Variants in CES4A observed in about 807,000 individuals in gnomAD.
CES4A encodes the protein carboxylesterase 4A.
A neutral mutation model predicts 65.4 loss-of-function variants in CES4A; 48 were observed. The ratio of observed to expected loss-of-function variants is 0.73; its 90% confidence interval spans 0.58 to 0.93. The LOEUF (loss-of-function observed/expected upper bound fraction) is 0.93. Ranked by LOEUF, CES4A falls within the 40% of genes least tolerant of loss-of-function variation. The probability of loss-of-function intolerance (pLI) is 0.00; values close to 1 mark genes in which losing one functional copy is unlikely to be tolerated. For missense variants in CES4A, 685 were observed against 728.5 expected, an observed-to-expected ratio of 0.94 and a Z score of 0.69; for synonymous variants, 247 against 281.8, an observed-to-expected ratio of 0.88 and a Z score of 1.24.
Position 67,003,250 on chromosome 16 carries a change from C to T in CES4A, c.796-6C>T. On this transcript the variant is annotated splice_region_variant and splice_polypyrimidine_tract_variant and intron_variant, in intron 6 of 13. Coordinates refer to ENST00000648724, the Ensembl canonical transcript of CES4A. The surrounding 1 kb of genome is among the most constrained non-coding windows in gnomAD (Gnocchi z 4.2). ...CACCACTGAGCATCCTTTCTTCTCT[C>T]TATAGAAGGTTGCCCACCTGGCTGG... 6.2e-7 allele frequency: 1 copy of T among 1,613,838 alleles called. No individual in the cohort carries two copies. The highest frequency in any genetic ancestry group is 8.5e-7 in the Non-Finnish European group (1 of 1,179,688).
chr16:67,006,817 G>A (rs756640976), exon 13 of CES4A: 2 of 1,613,866 alleles, frequency 1.2e-6, no homozygotes, highest in East Asian at 4.5e-5. Flanking sequence ...GCCCGCACAG[G>A]GTGAGTCTGC....
intron 2 of CES4A, among the ~76,000 whole-genome samples, chr16:66,998,876 A>G (rs1253907326): frequency 6.6e-6 from 1 of 151,808 alleles, no homozygotes; most frequent in African/African-American, 2.4e-5. Context: ...AAAAAAAAAA[A>G]GAGAGGAGAT....
chr16:66,993,128 G>T (rs561901597), intron 1 of CES4A, among the ~76,000 whole-genome samples: 10 of 152,260 alleles, frequency 6.6e-5, no homozygotes, highest in African/African-American at 2.2e-4. Flanking sequence ...GAGTATCCAC[G>T]GGAAGTCGGA....
At position 67,003,675 on chromosome 16, in the gene CES4A, T is replaced by G; in HGVS notation, c.939+122T>G. 2 of 812,800 alleles carry G rather than the reference T, an allele frequency of 2.5e-6. No homozygotes were observed. Among genetic ancestry groups the G allele is most frequent in the South Asian group, 2.8e-5 (2 of 71,778 alleles). 50.3% of individuals were successfully genotyped at this position (812,800 alleles called of 1,614,324 possible). ...TTCCCTAGTGGAGCTGATGTTCCAG[T>G]GGGGAAGGAGAATAAACCCTATAAA... On this transcript the variant is annotated intron_variant, in intron 8 of 13. Coordinates refer to ENST00000648724, the Ensembl canonical transcript of CES4A. This position sits in a 1 kb window ranked among gnomAD's most constrained non-coding sequence, Gnocchi z 4.2.
rs1486280315 is a variant in CES4A at position 67,000,399 on chromosome 16, C to T, written c.261-239C>T. On this transcript the variant is annotated intron_variant, in intron 2 of 13. Transcript: ENST00000648724. This position sits in a 1 kb window ranked among gnomAD's most constrained non-coding sequence, Gnocchi z 4.2. ...TGACAGCACCAACAGGAGCAGGAATCTCTCCACGGACTGAGGCGCCGGGCA... is the reference window on the plus strand; with the variant it reads ...TGACAGCACCAACAGGAGCAGGAATTTCTCCACGGACTGAGGCGCCGGGCA... The T allele has an allele frequency of 1.7e-5, 15 of 876,230 alleles. No individual in the cohort carries two copies. The highest frequency in any genetic ancestry group is 2.1e-5 in the Non-Finnish European group (15 of 730,736). The allele number at this position is 876,230 out of a possible 1,614,324, so 54.3% of individuals were successfully genotyped here.
In CES4A at chr16:67,003,454, C is replaced by A; in HGVS notation, c.901-61C>A. ...ACCCCCAACTACTTCCCCAGGGACC[C>A]TGTCTCAAGAGCACACGAGGGAGAC... On this transcript the variant is annotated intron_variant, in intron 7 of 13. Coordinates refer to ENST00000648724, the Ensembl canonical transcript of CES4A. This position sits in a 1 kb window ranked among gnomAD's most constrained non-coding sequence, Gnocchi z 4.2. 6.3e-7 allele frequency: 1 copy of A among 1,593,422 alleles called. No homozygotes were observed. The highest frequency in any genetic ancestry group is 8.6e-7 in the Non-Finnish European group (1 of 1,161,310).
At chr16:66,995,808 A>T in exon 2 of CES4A, 1 of 1,613,868 alleles carries the variant, frequency 6.2e-7, no homozygotes, top group South Asian at 1.1e-5. Context: ...GGAATCAGAG[A>T]TGCTACCACC....
chr16:67,006,661 G>GGAAGCAGCA (rs1468752662), intron 12 of CES4A, 84 bp from the exon 13 acceptor site: 2 of 1,531,810 alleles, frequency 1.3e-6, no homozygotes, highest in Non-Finnish European at 1.8e-6. Flanking sequence ...CTTCTGCTCC[G>GGAAGCAGCA]GAAGCAGCAG....
In CES4A at chr16:67,001,277, G is replaced by A. The variant is rs372008627; in HGVS notation, c.537-31G>A. On this transcript the variant is annotated intron_variant, in intron 4 of 13. Coordinates refer to ENST00000648724, the Ensembl canonical transcript of CES4A. The surrounding 1 kb of genome is among the most constrained non-coding windows in gnomAD (Gnocchi z 4.1). ...CAACGCGCCCCGACTGTCGAGGCCC[G>A]GGACCCTGACAGTGAACCCCACACG... 72 of 1,561,368 alleles carry A rather than the reference G, an allele frequency of 4.6e-5. No individual in the cohort carries two copies. In the East Asian group the frequency reaches 9.5e-4, roughly 21 times the overall value.
rs1190687215 is a variant in CES4A, at chr16:66,995,549, G to C, written c.59-79G>C. On this transcript the variant is annotated intron_variant, in intron 1 of 13. Coordinates refer to ENST00000648724, the Ensembl canonical transcript of CES4A. ...CTTTCCAGGTGCCTTGGTCCCATTT[G>C]TGGCTGAGTGGCTGAGCCAGGGTCC... 4 of 1,256,182 alleles carry C rather than the reference G, an allele frequency of 3.2e-6. No homozygotes were observed. In the African/African-American group the frequency reaches 5.9e-5, roughly 19 times the overall value. The allele number at this position is 1,256,182 out of a possible 1,614,324, so 77.8% of individuals were successfully genotyped here. A position where few individuals can be genotyped will look rare whatever the true frequency, so the allele number is the denominator to read the frequency against.
At chr16:66,988,952 A>T in intron 1 of CES4A, 122 bp downstream of exon 1, 1 of 1,181,192 alleles carries the variant, frequency 8.5e-7, no homozygotes, top group Admixed American at 2.8e-5. Flanking sequence ...AGGCCTGGGC[A>T]AATGGAGGGT....
Position 67,001,722 on chromosome 16 carries a change from AG to A in CES4A, c.690+262del, listed in dbSNP as rs1045340833. ...TAATCAGTGAATCCAGGTGCTACCC[AG>A]CACCTTCTGCCTCTCCACATTCCCC... On this transcript the variant is annotated intron_variant, in intron 5 of 13. Transcript: ENST00000648724. This position sits in a 1 kb window ranked among gnomAD's most constrained non-coding sequence, Gnocchi z 4.1. Among the ~76,000 whole-genome samples, 11 of 152,264 alleles carry A rather than the reference AG, an allele frequency of 7.2e-5. No individual in the cohort carries two copies. Among genetic ancestry groups the A allele is most frequent in the African/African-American group, 2.7e-4 (11 of 41,470 alleles).
At position 66,988,839 on chromosome 16, in the gene CES4A, C is replaced by A; in HGVS notation, c.58+9C>A. 6.4e-7 allele frequency: 1 copy of A among 1,558,452 alleles called. No homozygotes were observed. ...GGCGCAGACGGCCTTGGGTAAGACC[C>A]CCACCCCTTCCCGAGAGTGTCAGGC... On this transcript the variant is annotated intron_variant, in intron 1 of 13. Transcript: ENST00000648724.
At position 67,000,505 on chromosome 16, in the gene CES4A, ACGCACGCACATG is replaced by A. The variant is rs1051848012; in HGVS notation, c.261-122_261-111del. The A allele has an allele frequency of 2.4e-4, 347 of 1,440,430 alleles. 4 individuals carry two copies. The South Asian group carries it at 4.0e-3, about 17-fold the overall frequency. The allele number at this position is 1,440,430 out of a possible 1,614,324, so 89.2% of individuals were successfully genotyped here. On this transcript the variant is annotated intron_variant, in intron 2 of 13. Coordinates refer to ENST00000648724, the Ensembl canonical transcript of CES4A. The surrounding 1 kb of genome is among the most constrained non-coding windows in gnomAD (Gnocchi z 4.2). ...TGGCGGAGGCCTCCTGTACACGCACACGCACGCACATGCGCACGCACACGCACGCGCACAGAC... is the reference window on the plus strand; with the variant it reads ...TGGCGGAGGCCTCCTGTACACGCACACGCACGCACACGCACGCGCACAGAC...
chr16:67,003,580 A>G lies in CES4A; in HGVS notation c.939+27A>G. 1 of 1,595,392 alleles carries G rather than the reference A, an allele frequency of 6.3e-7. No individual in the cohort carries two copies. The highest frequency in any genetic ancestry group is 8.6e-7 in the Non-Finnish European group (1 of 1,163,106). On this transcript the variant is annotated intron_variant, in intron 8 of 13. Transcript: ENST00000648724. The surrounding 1 kb of genome is among the most constrained non-coding windows in gnomAD (Gnocchi z 4.2). ...TAAACAGGCCACATTCTGCAATTTG[A>G]GTATTTATTTAACACCTACTTTGTG...
At chr16:66,989,959 A>G (rs1964246894) in intron 1 of CES4A, among the ~76,000 whole-genome samples, 1 of 151,766 alleles carries the variant, frequency 6.6e-6, no homozygotes, top group Non-Finnish European at 1.5e-5. Context: ...AATTTTGCCC[A>G]TATATACATA....
exon 2 of CES4A, chr16:66,995,739 C>G (rs768807367): frequency 6.2e-7 from 1 of 1,614,230 alleles, no homozygotes; most frequent in South Asian, 1.1e-5. Flanking sequence ...GTCCCCTTCT[C>G]CAGACCTCCT....
At chr16:66,990,318 G>T (rs1964290027) in intron 1 of CES4A, among the ~76,000 whole-genome samples, 2 of 152,114 alleles carry the variant, frequency 1.3e-5, no homozygotes, top group Non-Finnish European at 2.9e-5. Context: ...CTCCCAAAGT[G>T]CTGGGACCGC....
At chr16:66,998,026 A>G (rs758601825) in intron 2 of CES4A, among the ~76,000 whole-genome samples, 2 of 150,796 alleles carry the variant, frequency 1.3e-5, no homozygotes, top group Non-Finnish European at 2.9e-5. Context: ...ATTAAATTTG[A>G]CGTGCTGACA....
Sources: gnomAD v4.1 joint callset for allele counts (sites outside exome capture counted in the v4.1 genomes callset) on GRCh38, gnomAD v4.1.1 for gene constraint, Gnocchi (gnomAD v3.1) non-coding constraint, MANE v1.5 for transcripts, NCBI Gene and HGNC (gene_info 2026-07-23, HGNC 2026-07-21) for gene names.